DCDC2: variants seen among roughly 807,000 people sequenced by gnomAD.
DCDC2 encodes doublecortin domain-containing protein 2.
DCDC2 carries 40 observed loss-of-function variants against 50.2 expected under a neutral mutation model. The observed-to-expected ratio is 0.80, with a 90% CI of 0.62 to 1.04. DCDC2 has a LOEUF of 1.04. DCDC2 is among the 50% of genes least tolerant of loss of function. The pLI, the probability that DCDC2 is intolerant of heterozygous loss-of-function variation, is 0.00. For missense variants in DCDC2, 570 were observed against 581.9 expected, an observed-to-expected ratio of 0.98 and a Z score of 0.21; for synonymous variants, 234 against 210.6, an observed-to-expected ratio of 1.11 and a Z score of -0.96.
At chr6:24,203,795 A>C (rs979619139) in intron 8 of DCDC2, among the ~76,000 whole-genome samples, 1 of 151,990 alleles carries the variant, frequency 6.6e-6, no homozygotes, top group Non-Finnish European at 1.5e-5. Flanking sequence ...TACAAGAAAA[A>C]AAACAAACAA....
intron 7 of DCDC2, among the ~76,000 whole-genome samples, chr6:24,274,331 T>A (rs1444885814): frequency 6.6e-6 from 1 of 152,036 alleles, no homozygotes; most frequent in Non-Finnish European, 1.5e-5. Flanking sequence ...ACTGTTTTGG[T>A]CATAGTGGAG....
intron 7 of DCDC2, among the ~76,000 whole-genome samples, chr6:24,209,028 T>C (rs1761795002): frequency 6.6e-6 from 1 of 152,228 alleles, no homozygotes; most frequent in African/African-American, 2.4e-5. Flanking sequence ...TAAAATCATT[T>C]GATGCCAAAG....
intron 9 of DCDC2, among the ~76,000 whole-genome samples, chr6:24,176,014 C>T (rs534764895): frequency 8.5e-5 from 13 of 152,128 alleles, no homozygotes; most frequent in African/African-American, 3.1e-4. Context: ...CTAATTAGGC[C>T]GGGCATGGTG....
the DCDC2 span, among the ~76,000 whole-genome samples, chr6:24,370,491 T>A: frequency 1.3e-5 from 2 of 152,130 alleles, no homozygotes; most frequent in African/African-American, 4.8e-5. Context: ...GAGGATCACT[T>A]GAGGTCAGGA....
At chr6:24,190,131 G>C (rs1054975899) in intron 8 of DCDC2, among the ~76,000 whole-genome samples, 1 of 151,834 alleles carries the variant, frequency 6.6e-6, no homozygotes, top group African/African-American at 2.4e-5. Flanking sequence ...CAAAAAGGGT[G>C]GTTATATTCA....
chr6:24,362,476 A>T (rs1479494499), upstream of DCDC2, among the ~76,000 whole-genome samples: 1 of 106,892 alleles, frequency 9.4e-6, no homozygotes, highest in Non-Finnish European at 1.9e-5. Context: ...TATTTATACA[A>T]TTTTTTTATT....
At chr6:24,257,895 A>AAG (rs1335909913) in intron 7 of DCDC2, among the ~76,000 whole-genome samples, 2 of 152,234 alleles carry the variant, frequency 1.3e-5, no homozygotes, top group Non-Finnish European at 2.9e-5. Context: ...GACCAGATTC[A>AAG]AGAGACTCTG....
intron 7 of DCDC2, among the ~76,000 whole-genome samples, chr6:24,250,093 T>G (rs1337427626): frequency 6.6e-6 from 1 of 152,010 alleles, no homozygotes; most frequent in African/African-American, 2.4e-5. Context: ...TTTACCCGGG[T>G]CCCGGCAGCC....
chr6:24,204,476 G>A (rs910333727), intron 8 of DCDC2, among the ~76,000 whole-genome samples: 5 of 152,082 alleles, frequency 3.3e-5, no homozygotes, highest in African/African-American at 9.7e-5. Context: ...ATCATACACT[G>A]GGGCCTGTCA....
intron 7 of DCDC2, among the ~76,000 whole-genome samples, chr6:24,258,169 C>T (rs1185766080): frequency 6.6e-6 from 1 of 152,078 alleles, no homozygotes; most frequent in African/African-American, 2.4e-5. Flanking sequence ...AAAGGTGGTG[C>T]GGACCCAAAG....
intron 7 of DCDC2, among the ~76,000 whole-genome samples, chr6:24,249,340 A>G (rs1762750806): frequency 6.6e-6 from 1 of 152,190 alleles, no homozygotes; most frequent in African/African-American, 2.4e-5. Context: ...TGGGAATCTG[A>G]TAGTTTGAGT....
At chr6:24,326,321 T>C (rs1759860851) in intron 2 of DCDC2, among the ~76,000 whole-genome samples, 1 of 147,930 alleles carries the variant, frequency 6.8e-6, no homozygotes, top group Admixed American at 6.7e-5. Flanking sequence ...TTAAAAAGAG[T>C]CTCCATTTTT....
Position 24,294,839 on chromosome 6 carries a change from G to A in DCDC2, c.558-3761C>T, listed in dbSNP as rs543919787. Among the ~76,000 whole-genome samples the A allele has an allele frequency of 1.1e-4, 17 of 151,974 alleles. No individual in the cohort carries two copies. The East Asian group carries it at 1.2e-3, about 10-fold the overall frequency. On this transcript the variant is annotated intron_variant, in intron 4 of 9. Transcript: ENST00000378454. ...TTGAATCCGTAATGAATAGCCTACC[G>A]ATCAAAAAAAGCCTCGGACCAGACA...
chr6:24,179,798 C>T (rs1178117233), intron 8 of DCDC2, among the ~76,000 whole-genome samples: 1 of 148,848 alleles, frequency 6.7e-6, no homozygotes, highest in Non-Finnish European at 1.5e-5. Flanking sequence ...ACTAAAAATA[C>T]AAAAAATTAG....
At chr6:24,193,172 A>C (rs530434298) in intron 8 of DCDC2, among the ~76,000 whole-genome samples, 2 of 152,294 alleles carry the variant, frequency 1.3e-5, no homozygotes, top group Non-Finnish European at 2.9e-5. Flanking sequence ...AGAGAAAAAA[A>C]AAAGATATTT....
intron 2 of DCDC2, among the ~76,000 whole-genome samples, chr6:24,317,070 T>C (rs928618943): frequency 4.6e-5 from 7 of 151,972 alleles, no homozygotes; most frequent in African/African-American, 1.7e-4. Flanking sequence ...ACTACATATA[T>C]GCACACATAC....
intron 8 of DCDC2, among the ~76,000 whole-genome samples, chr6:24,191,633 G>A (rs1305648822): frequency 6.6e-6 from 1 of 152,134 alleles, no homozygotes; most frequent in Admixed American, 6.6e-5. Flanking sequence ...TCTGCCCACA[G>A]GCTACCATCC....
intron 7 of DCDC2, among the ~76,000 whole-genome samples, chr6:24,269,706 G>C (rs745831030): frequency 6.6e-6 from 1 of 152,052 alleles, no homozygotes; most frequent in Non-Finnish European, 1.5e-5. Flanking sequence ...TTAAGTCCTA[G>C]AATGTTTAAG....
At chr6:24,362,235 T>A (rs992203174), upstream of DCDC2, among the ~76,000 whole-genome samples, 13 of 150,226 alleles carry the variant, frequency 8.7e-5, no homozygotes, top group African/African-American at 2.9e-4. Flanking sequence ...TTATACAATT[T>A]TTATTTAATT....
Sources: gnomAD v4.1 joint callset for allele counts (sites outside exome capture counted in the v4.1 genomes callset) on GRCh38, gnomAD v4.1.1 for gene constraint, MANE v1.5 for transcripts, NCBI Gene and HGNC (gene_info 2026-07-23, HGNC 2026-07-21) for gene names.